The following SGMS1 variants were observed in gnomAD, a reference collection of about 807,000 sequenced individuals.
SGMS1 encodes the protein phosphatidylcholine:ceramide cholinephosphotransferase 1.
SGMS1 carries 13 observed loss-of-function variants against 46.2 expected under a neutral mutation model. The ratio of observed to expected loss-of-function variants is 0.28; its 90% CI spans 0.18 to 0.45. SGMS1 has a LOEUF of 0.45. Ranked by LOEUF, SGMS1 falls within the 20% of genes least tolerant of loss-of-function variation. The pLI, the probability that SGMS1 is intolerant of heterozygous loss-of-function variation, is 1.00. For missense variants in SGMS1, 324 were observed against 519.9 expected (o/e 0.62, Z 3.66); for synonymous variants, 203 against 187.8 (o/e 1.08, Z -0.66).
At position 50,432,124 on chromosome 10, in the gene SGMS1, C is replaced by T. The variant is rs191250905; in HGVS notation, c.-232+1352G>A. Among the ~76,000 whole-genome samples, 534 of 152,262 alleles carry T rather than the reference C, an allele frequency of 3.5e-3. 4 individuals carry two copies. Among genetic ancestry groups the T allele is most frequent in the Middle Eastern group, 0.014 (4 of 294 alleles). On this transcript the variant is annotated intron_variant, in intron 6 of 10. Transcript: ENST00000361781. ...TTAAAGAATTGTGGCTTAGAAATGTCTTCACAACAGGAAACCTACAATTAG... is the reference window on the plus strand; with the variant it reads ...TTAAAGAATTGTGGCTTAGAAATGTTTTCACAACAGGAAACCTACAATTAG...
chr10:50,519,487 G>T (rs1214497105), intron 3 of SGMS1, among the ~76,000 whole-genome samples: 3 of 152,184 alleles, frequency 2.0e-5, no homozygotes, highest in Non-Finnish European at 4.4e-5. Flanking sequence ...TTCCTACCTG[G>T]TTTATGTGAC....
chr10:50,420,620 T>A (rs1316974524), intron 6 of SGMS1, among the ~76,000 whole-genome samples: 1 of 152,236 alleles, frequency 6.6e-6, no homozygotes, highest in African/African-American at 2.4e-5. Flanking sequence ...AGCACTGATA[T>A]TTTATATTTA....
At chr10:50,308,224 G>T in intron 9 of SGMS1, 76 bp from the exon 10 acceptor site, 1 of 1,314,654 alleles carries the variant, frequency 7.6e-7, no homozygotes, top group South Asian at 1.4e-5. Context: ...CTCTACTAAT[G>T]CTTCTGAATC....
At chr10:50,486,518 C>T (rs903014325) in intron 3 of SGMS1, among the ~76,000 whole-genome samples, 5 of 152,146 alleles carry the variant, frequency 3.3e-5, no homozygotes, top group Admixed American at 3.3e-4. Context: ...TGAATAAACA[C>T]TTCTCAAAAG....
At chr10:50,308,869 C>T (rs778597789) in intron 9 of SGMS1, among the ~76,000 whole-genome samples, 3 of 152,174 alleles carry the variant, frequency 2.0e-5, no homozygotes, top group East Asian at 1.9e-4. Context: ...ATGATCTATA[C>T]TCTCTACACC....
intron 5 of SGMS1, among the ~76,000 whole-genome samples, chr10:50,445,586 C>A (rs192056725): frequency 2.6e-5 from 4 of 152,328 alleles, no homozygotes; most frequent in African/African-American, 9.6e-5. Flanking sequence ...ACACTTATCA[C>A]TTCCCCAATC....
At chr10:50,501,850 C>T (rs1373942623) in intron 3 of SGMS1, among the ~76,000 whole-genome samples, 1 of 152,086 alleles carries the variant, frequency 6.6e-6, no homozygotes, top group Admixed American at 6.6e-5. Context: ...TCTTAAATTA[C>T]TTTTTAGATA....
chr10:50,345,406 A>G (rs927186011), intron 6 of SGMS1, among the ~76,000 whole-genome samples: 2 of 152,196 alleles, frequency 1.3e-5, no homozygotes, highest in Non-Finnish European at 2.9e-5. Context: ...TGCATAGAAG[A>G]GTTACAAGTT....
At chr10:50,532,948 G>A (rs1470250345) in intron 2 of SGMS1, among the ~76,000 whole-genome samples, 3 of 152,144 alleles carry the variant, frequency 2.0e-5, no homozygotes, top group Admixed American at 1.3e-4. Flanking sequence ...TAGGTGCCAG[G>A]AACAGTAATA....
At chr10:50,326,116 C>CT (rs1167352998) in intron 8 of SGMS1, among the ~76,000 whole-genome samples, 1 of 151,548 alleles carries the variant, frequency 6.6e-6, no homozygotes, top group Admixed American at 6.6e-5. Flanking sequence ...TGTATGACAG[C>CT]TCTTCCAGAG....
intron 3 of SGMS1, among the ~76,000 whole-genome samples, chr10:50,517,789 A>G (rs1329903529): frequency 4.6e-5 from 7 of 152,268 alleles, no homozygotes; most frequent in Non-Finnish European, 1.0e-4. Flanking sequence ...AAGTCAAATC[A>G]TCTACTAAAA....
chr10:50,401,935 TTTAAGATTAAGC>T (rs1848946112), intron 6 of SGMS1, among the ~76,000 whole-genome samples: 1 of 152,238 alleles, frequency 6.6e-6, no homozygotes, highest in Non-Finnish European at 1.5e-5. Flanking sequence ...ACCTTGATTT[TTTAAGATTAAGC>T]TAAAGATGCA....
intron 1 of SGMS1, chr10:50,590,703 C>A (rs191738503): frequency 6.6e-6 from 1 of 152,136 alleles, no homozygotes; most frequent in Non-Finnish European, 1.5e-5. Flanking sequence ...TCTAAAAGAG[C>A]CTTACAGTGT....
chr10:50,307,042 A>G lies in SGMS1; in HGVS notation c.*100T>C. Reference sequence around the variant, plus strand: ...ATAGGTTAAGTCAAGGTAACCATTGAAAGATAATAGGATTAGGGAGGTGTT... The same window carrying G: ...ATAGGTTAAGTCAAGGTAACCATTGGAAGATAATAGGATTAGGGAGGTGTT... On this transcript the variant is annotated 3_prime_UTR_variant, in exon 11 of 11. Transcript: ENST00000361781. The surrounding 1 kb of genome is among the most constrained non-coding windows in gnomAD (Gnocchi z 4.2). The G allele has an allele frequency of 8.4e-7, 1 of 1,186,244 alleles. No individual in the cohort carries two copies. Among genetic ancestry groups the G allele is most frequent in the South Asian group, 1.6e-5 (1 of 63,014 alleles). The allele number at this position is 1,186,244 out of a possible 1,614,324, so 73.5% of individuals were successfully genotyped here.
intron 6 of SGMS1, among the ~76,000 whole-genome samples, chr10:50,399,277 T>C (rs1848895535): frequency 6.6e-6 from 1 of 152,188 alleles, no homozygotes; most frequent in African/African-American, 2.4e-5. Flanking sequence ...TTCATCCCTG[T>C]ACCTTCTAAT....
intron 2 of SGMS1, among the ~76,000 whole-genome samples, chr10:50,589,573 G>A (rs1455484504): frequency 1.3e-5 from 2 of 152,140 alleles, no homozygotes; most frequent in Non-Finnish European, 2.9e-5. Flanking sequence ...GGGCTCAAGC[G>A]ATCCTCCCAC....
At chr10:50,518,264 T>C (rs1837826415) in intron 3 of SGMS1, among the ~76,000 whole-genome samples, 2 of 152,168 alleles carry the variant, frequency 1.3e-5, no homozygotes, top group African/African-American at 4.8e-5. Context: ...CTTCTATGTG[T>C]GCACAGTATA....
intron 6 of SGMS1, among the ~76,000 whole-genome samples, chr10:50,364,274 A>C (rs191521144): frequency 1.3e-5 from 2 of 152,358 alleles, no homozygotes; most frequent in African/African-American, 4.8e-5. Flanking sequence ...ATTTAAAAAA[A>C]TTATCAGAAC....
At chr10:50,404,529 C>A (rs1379101990) in intron 6 of SGMS1, among the ~76,000 whole-genome samples, 1 of 151,896 alleles carries the variant, frequency 6.6e-6, no homozygotes, top group African/African-American at 2.4e-5. Flanking sequence ...CTTGAGCCCA[C>A]GAGTTTGAGG....
Sources: gnomAD v4.1 joint callset for allele counts (sites outside exome capture counted in the v4.1 genomes callset) on GRCh38, gnomAD v4.1.1 for gene constraint, Gnocchi (gnomAD v3.1) non-coding constraint, MANE v1.5 for transcripts, NCBI Gene and HGNC (gene_info 2026-07-23, HGNC 2026-07-21) for gene names.